PPP2R3A: variants seen among roughly 807,000 people sequenced by gnomAD.
PPP2R3A encodes the protein serine/threonine-protein phosphatase 2A regulatory subunit B'' subunit alpha.
Under a neutral mutation model 106.9 loss-of-function variants are expected in PPP2R3A, and 80 were observed. The observed-to-expected ratio is 0.75, with a 90% confidence interval of 0.62 to 0.90. The LOEUF is 0.90. PPP2R3A is among the 40% of genes least tolerant of loss of function. PPP2R3A has a pLI of 0.00. For synonymous variants in PPP2R3A, 483 were observed against 468.3 expected (o/e 1.03, Z -0.41); for missense variants, 1,386 against 1,350.4 (o/e 1.03, Z -0.41).
chr3:136,126,422 T>C (rs1938184780), intron 13 of PPP2R3A, among the ~76,000 whole-genome samples: 1 of 151,932 alleles, frequency 6.6e-6, no homozygotes, highest in South Asian at 2.1e-4. Context: ...TGGGGGAGGG[T>C]TATCCGCCAT....
At chr3:135,968,687 C>T (rs1343322272) in intron 1 of PPP2R3A, among the ~76,000 whole-genome samples, 3 of 152,180 alleles carry the variant, frequency 2.0e-5, no homozygotes, top group Non-Finnish European at 4.4e-5. Context: ...GTTCTGCTCC[C>T]TCCCCCAGCT....
At position 136,040,980 on chromosome 3, in the gene PPP2R3A, C is replaced by G. The variant is rs1166174639; in HGVS notation, c.2366+18C>G. 6.3e-7 allele frequency: 1 copy of G among 1,597,624 alleles called. No homozygotes were observed. The highest frequency in any genetic ancestry group is 1.3e-5 in the African/African-American group (1 of 74,512). ...TGGAGAAAGTAAGTATGTGAGCAGT[C>G]TCTCTGGAGCTAGGCAAAGAATTGT... is the stretch of plus-strand genomic sequence containing the variant. On this transcript the variant is annotated intron_variant, in intron 4 of 13. Transcript: ENST00000264977.
intron 2 of PPP2R3A, among the ~76,000 whole-genome samples, chr3:136,022,322 T>C (rs933075696): frequency 2.0e-5 from 3 of 152,116 alleles, no homozygotes; most frequent in Non-Finnish European, 2.9e-5. Flanking sequence ...TTCAAGAAAA[T>C]GTTTGATAAC....
At chr3:135,972,275 G>C (rs1330700356) in intron 1 of PPP2R3A, among the ~76,000 whole-genome samples, 5 of 152,164 alleles carry the variant, frequency 3.3e-5, no homozygotes, top group Non-Finnish European at 2.9e-5. Flanking sequence ...TGTATACGAG[G>C]TTCACTCAGG....
intron 8 of PPP2R3A, among the ~76,000 whole-genome samples, chr3:136,086,235 G>A (rs917628581): frequency 6.6e-6 from 1 of 152,084 alleles, no homozygotes; most frequent in Non-Finnish European, 1.5e-5. Context: ...TGTAATCCCA[G>A]CACTTTGGGA....
chr3:136,069,152 A>G (rs956105079), intron 5 of PPP2R3A, among the ~76,000 whole-genome samples: 10 of 152,206 alleles, frequency 6.6e-5, no homozygotes, highest in East Asian at 1.9e-4. Flanking sequence ...GTAGTTTCAT[A>G]TCTTATCCAT....
intron 11 of PPP2R3A, 65 bp from the exon 12 acceptor site, chr3:136,103,193 A>G: frequency 2.0e-6 from 2 of 981,170 alleles, no homozygotes; most frequent in East Asian, 2.5e-5. Flanking sequence ...ATGTCAGGGA[A>G]AGTTTTTTCC....
At chr3:136,029,159 T>C (rs1279949376) in intron 3 of PPP2R3A, among the ~76,000 whole-genome samples, 1 of 152,114 alleles carries the variant, frequency 6.6e-6, no homozygotes, top group Non-Finnish European at 1.5e-5. Context: ...ACGAGAGCAA[T>C]TTGTGTGAAA....
intron 9 of PPP2R3A, 36 bp downstream of exon 9, chr3:136,087,967 C>T: frequency 1.3e-6 from 2 of 1,535,186 alleles, no homozygotes; most frequent in Non-Finnish European, 1.8e-6. Context: ...TAAAAATGAA[C>T]TACAAGTAAT....
At chr3:136,003,522 A>C (rs1380413533) in intron 2 of PPP2R3A, 29 bp downstream of exon 2, 13 of 1,518,612 alleles carry the variant, frequency 8.6e-6, no homozygotes, top group Non-Finnish European at 1.1e-5. Flanking sequence ...GAGTCCTAGG[A>C]ACTCTTTAAA....
rs1576397256 is a variant in PPP2R3A at position 135,966,469 on chromosome 3, G to T, written c.-441+620G>T. Among the ~76,000 whole-genome samples the T allele has an allele frequency of 3.3e-5, 5 of 152,256 alleles. No individual in the cohort carries two copies. In the South Asian group the frequency reaches 1.0e-3, roughly 32 times the overall value. ...CTGGTCCTGCACCGCGGCCGCGCTGGAGCGCCTCGGTGGGTCTCTCCCGCG... is the reference window on the plus strand; with the variant it reads ...CTGGTCCTGCACCGCGGCCGCGCTGTAGCGCCTCGGTGGGTCTCTCCCGCG... On this transcript the variant is annotated intron_variant, in intron 1 of 13. Coordinates refer to ENST00000264977, the MANE Select transcript of PPP2R3A (RefSeq NM_002718.5).
At chr3:136,086,434 A>T (rs1398177977) in intron 8 of PPP2R3A, among the ~76,000 whole-genome samples, 1 of 151,712 alleles carries the variant, frequency 6.6e-6, no homozygotes, top group Non-Finnish European at 1.5e-5. Flanking sequence ...GTAAGCCGAG[A>T]TCACACCACT....
intron 2 of PPP2R3A, among the ~76,000 whole-genome samples, chr3:136,009,351 C>T (rs1933964220): frequency 6.6e-6 from 1 of 152,118 alleles, no homozygotes; most frequent in Non-Finnish European, 1.5e-5. Flanking sequence ...ACTCTGCTAT[C>T]CACTACCTCT....
At chr3:136,045,387 G>A (rs958230433) in intron 4 of PPP2R3A, among the ~76,000 whole-genome samples, 1 of 152,206 alleles carries the variant, frequency 6.6e-6, no homozygotes, top group Non-Finnish European at 1.5e-5. Flanking sequence ...GAGACTTGTG[G>A]TTGGAACTCA....
intron 6 of PPP2R3A, among the ~76,000 whole-genome samples, chr3:136,072,293 C>T (rs1936460926): frequency 6.6e-6 from 1 of 152,064 alleles, no homozygotes; most frequent in African/African-American, 2.4e-5. Flanking sequence ...TGAAATTATC[C>T]ATGTTTAAGA....
intron 3 of PPP2R3A, among the ~76,000 whole-genome samples, chr3:136,035,752 T>C (rs772592147): frequency 1.3e-5 from 2 of 152,250 alleles, no homozygotes; most frequent in Non-Finnish European, 2.9e-5. Flanking sequence ...TTGTGCTTCT[T>C]GTATTTGGAT....
intron 13 of PPP2R3A, among the ~76,000 whole-genome samples, chr3:136,111,223 G>A (rs1937586543): frequency 6.6e-6 from 1 of 152,076 alleles, no homozygotes; most frequent in Admixed American, 6.5e-5. Context: ...ATATATAAGA[G>A]AGAAAAAGGA....
Position 136,102,026 on chromosome 3 carries a change from T to G in PPP2R3A, c.2947T>G (p.Cys983Gly). The G allele has an allele frequency of 6.2e-7, 1 of 1,613,990 alleles. No homozygotes were observed. The highest frequency in any genetic ancestry group is 8.5e-7 in the Non-Finnish European group (1 of 1,179,898). ...NPTSIEYWFR[C>G]MDVDGDGVLS... is the part of the protein sequence containing the mutation. ...ATCTAGCATTGAGTATTGGTTCCGC[T>G]GCATGGATGTGGATGGAGACGGTGT... is the stretch of plus-strand genomic sequence containing the variant. The change falls in exon 11 of 14, where the codon TGC becomes GGC. Residue 983 changes from cysteine to glycine, a missense_variant. Physicochemically the swap from Cys to Gly is radical, Grantham distance 159. Coordinates refer to ENST00000264977, the MANE Select transcript of PPP2R3A (RefSeq NM_002718.5).
intron 13 of PPP2R3A, among the ~76,000 whole-genome samples, chr3:136,115,548 A>G (rs558157458): frequency 6.6e-6 from 1 of 152,098 alleles, no homozygotes; most frequent in East Asian, 1.9e-4. Flanking sequence ...CCTAAAGAAC[A>G]ACATAAATGA....
Sources: allele counts gnomAD v4.1 joint callset (sites outside exome capture counted in the v4.1 genomes callset), GRCh38; gene constraint gnomAD v4.1.1; transcripts MANE v1.5; gene names NCBI Gene and HGNC (gene_info 2026-07-23, HGNC 2026-07-21).